Variants in GALNTL6 observed in about 807,000 individuals in gnomAD.
The protein encoded by GALNTL6 is polypeptide N-acetylgalactosaminyltransferase like 6.
A neutral mutation model predicts 73.7 loss-of-function variants in GALNTL6; 46 were observed. That is an observed-to-expected ratio of 0.62 (90% CI 0.49 to 0.80). The LOEUF is 0.80. Among genes scored for constraint, GALNTL6 ranks in the 30% least tolerant of loss-of-function variants. The probability of loss-of-function intolerance (pLI) is 0.00; values close to 1 mark genes in which losing one functional copy is unlikely to be tolerated. For synonymous variants in GALNTL6, 259 were observed against 263.7 expected, an observed-to-expected ratio of 0.98 and a Z score of 0.17; for missense variants, 604 against 755.0, an observed-to-expected ratio of 0.80 and a Z score of 2.34.
intron 2 of GALNTL6, among the ~76,000 whole-genome samples, chr4:171,934,370 G>T (rs1341985022): frequency 6.6e-6 from 1 of 152,110 alleles, no homozygotes; most frequent in Non-Finnish European, 1.5e-5. Context: ...GAAGTAAAAA[G>T]ACCCTTCTTT....
intron 5 of GALNTL6, among the ~76,000 whole-genome samples, chr4:172,766,641 G>GA (rs1738421867): frequency 6.6e-6 from 1 of 152,154 alleles, no homozygotes; most frequent in Non-Finnish European, 1.5e-5. Flanking sequence ...GCCAAAGCAG[G>GA]AAAACCTTCA....
intron 5 of GALNTL6, among the ~76,000 whole-genome samples, chr4:172,790,209 T>C (rs1739917335): frequency 6.6e-6 from 1 of 152,226 alleles, no homozygotes; most frequent in Non-Finnish European, 1.5e-5. Context: ...ATCTATTTAT[T>C]GTGGTCCCCA....
intron 5 of GALNTL6, among the ~76,000 whole-genome samples, chr4:172,433,955 C>T (rs1315613589): frequency 6.6e-6 from 1 of 152,112 alleles, no homozygotes; most frequent in African/African-American, 2.4e-5. Flanking sequence ...TACATACTCA[C>T]ATACATTTAA....
At chr4:173,013,253 A>G (rs1021619638) in intron 11 of GALNTL6, among the ~76,000 whole-genome samples, 15 of 152,286 alleles carry the variant, frequency 9.8e-5, no homozygotes, top group African/African-American at 3.6e-4. Context: ...GCTGGCATCT[A>G]GAGTGGAAAA....
At chr4:172,160,966 C>T (rs1297814459) in intron 2 of GALNTL6, among the ~76,000 whole-genome samples, 1 of 149,798 alleles carries the variant, frequency 6.7e-6, no homozygotes, top group Non-Finnish European at 1.5e-5. Flanking sequence ...CCTTAATGCA[C>T]GTTTGAACAT....
At chr4:171,923,508 T>C (rs1386543940) in intron 2 of GALNTL6, among the ~76,000 whole-genome samples, 1 of 151,270 alleles carries the variant, frequency 6.6e-6, no homozygotes, top group African/African-American at 2.4e-5. Context: ...CGCCATTCTG[T>C]TGTCTCAGCC....
intron 5 of GALNTL6, among the ~76,000 whole-genome samples, chr4:172,783,171 A>T (rs1360916998): frequency 6.6e-6 from 1 of 151,230 alleles, no homozygotes; most frequent in East Asian, 1.9e-4. Flanking sequence ...GTAAAATCAC[A>T]TATAACCTAC....
chr4:172,143,685 G>GC (rs1157916042), intron 2 of GALNTL6, among the ~76,000 whole-genome samples: 1 of 151,896 alleles, frequency 6.6e-6, no homozygotes, highest in Admixed American at 6.6e-5. Flanking sequence ...TTTACTGCCT[G>GC]CCCCCCATTC....
At chr4:171,878,030 A>C (rs1736328097) in intron 2 of GALNTL6, among the ~76,000 whole-genome samples, 1 of 152,148 alleles carries the variant, frequency 6.6e-6, no homozygotes, top group Admixed American at 6.5e-5. Context: ...ATGACTTCAT[A>C]TGTGAAACAA....
At chr4:171,854,989 C>G (rs191262425) in intron 2 of GALNTL6, among the ~76,000 whole-genome samples, 370 of 152,272 alleles carry the variant, frequency 2.4e-3, no homozygotes, top group African/African-American at 8.2e-3. Context: ...CCCCCACCTC[C>G]TCCTGCTCCC....
At chr4:172,405,427 ATATATATATATATATATTT>A (rs1406243498) in intron 5 of GALNTL6, among the ~76,000 whole-genome samples, 3 of 19,178 alleles carry the variant, frequency 1.6e-4, no homozygotes, top group African/African-American at 4.2e-4. Context: ...ATATATATAT[ATATATATATATATATATTT>A]TTTTTTTTTT....
chr4:172,208,573 A>G (rs1262492385), intron 2 of GALNTL6, among the ~76,000 whole-genome samples: 1 of 152,124 alleles, frequency 6.6e-6, no homozygotes, highest in Non-Finnish European at 1.5e-5. Flanking sequence ...GCATGTTGTA[A>G]ATACTCCGCA....
At chr4:172,316,999 A>G (rs540088760) in intron 4 of GALNTL6, among the ~76,000 whole-genome samples, 3 of 152,304 alleles carry the variant, frequency 2.0e-5, no homozygotes, top group African/African-American at 7.2e-5. Flanking sequence ...TCTCCGGGAA[A>G]GAAACTCTGA....
chr4:173,005,569 T>C (rs944363259), intron 10 of GALNTL6, among the ~76,000 whole-genome samples: 7 of 152,162 alleles, frequency 4.6e-5, no homozygotes, highest in African/African-American at 1.7e-4. Flanking sequence ...AGTATTAGAA[T>C]CAGTTCTATT....
intron 8 of GALNTL6, among the ~76,000 whole-genome samples, chr4:172,915,665 C>T (rs149616581): frequency 0.024 from 3,703 of 152,158 alleles, 85 homozygotes; most frequent in South Asian, 0.05. Flanking sequence ...GGATAAATTC[C>T]GGGACACATA....
chr4:172,008,850 C>G (rs111558296), intron 2 of GALNTL6, among the ~76,000 whole-genome samples: 6 of 151,982 alleles, frequency 3.9e-5, no homozygotes, highest in Non-Finnish European at 7.4e-5. Context: ...TTTAGTCTTG[C>G]GAATCTACCT....
intron 5 of GALNTL6, among the ~76,000 whole-genome samples, chr4:172,602,599 A>G (rs1738104406): frequency 6.6e-6 from 1 of 152,164 alleles, no homozygotes; most frequent in Admixed American, 6.5e-5. Flanking sequence ...CAGTTAATCC[A>G]AAAGAAGATA....
chr4:172,917,783 G>T (rs369755214), intron 8 of GALNTL6, among the ~76,000 whole-genome samples: 5 of 152,126 alleles, frequency 3.3e-5, no homozygotes, highest in Non-Finnish European at 7.4e-5. Context: ...AAATAGGAAC[G>T]CTTTTACACT....
At position 172,931,245 on chromosome 4, in the gene GALNTL6, C is replaced by T. The variant is rs1368295562; in HGVS notation, c.1126C>T (p.Pro376Ser). 9 of 1,604,674 alleles carry T rather than the reference C, an allele frequency of 5.6e-6. No homozygotes were observed. The highest frequency in any genetic ancestry group is 7.7e-6 in the Non-Finnish European group (9 of 1,171,338). Reference sequence around the variant, plus strand: ...CAGGAAGTACGTTCCATACAAAGTTCCATCTGGGACAAGCCTGGCAAGAGT... The same window carrying T: ...CAGGAAGTACGTTCCATACAAAGTTTCATCTGGGACAAGCCTGGCAAGAGT... ...IYRKYVPYKV[P>S]SGTSLARNLK... Residue 376 changes from proline to serine, a missense_variant, in exon 9 of 13, where the codon CCA becomes TCA. Coordinates refer to ENST00000506823, the MANE Select transcript of GALNTL6 (RefSeq NM_001034845.3).
Sources: gnomAD v4.1 joint callset for allele counts (sites outside exome capture counted in the v4.1 genomes callset) on GRCh38, gnomAD v4.1.1 for gene constraint, MANE v1.5 for transcripts, NCBI Gene and HGNC (gene_info 2026-07-23, HGNC 2026-07-21) for gene names.